BMERB1: variants seen among roughly 807,000 people sequenced by gnomAD.
The protein encoded by BMERB1 is bMERB domain-containing protein 1.
Under a neutral mutation model 23.6 loss-of-function variants are expected in BMERB1, and 12 were observed. The observed-to-expected ratio is 0.51, with a 90% CI of 0.33 to 0.82. The LOEUF is 0.82. BMERB1 is among the 40% of genes least tolerant of loss of function. The probability of loss-of-function intolerance (pLI) is 0.03; values close to 1 mark genes in which losing one functional copy is unlikely to be tolerated. For synonymous variants in BMERB1, 122 were observed against 96.6 expected (o/e 1.26, Z -1.54); for missense variants, 247 against 255.4 (o/e 0.97, Z 0.22).
At chr16:15,547,301 A>G (rs1204607680) in intron 2 of BMERB1, among the ~76,000 whole-genome samples, 1 of 149,142 alleles carries the variant, frequency 6.7e-6, no homozygotes, top group Non-Finnish European at 1.5e-5. Flanking sequence ...GGCATGAGCC[A>G]CCATGCCCAG....
At chr16:15,495,341 G>A (rs2051463157) in intron 1 of BMERB1, among the ~76,000 whole-genome samples, 1 of 150,476 alleles carries the variant, frequency 6.6e-6, no homozygotes, top group Non-Finnish European at 1.5e-5. Flanking sequence ...GACTGTAGGC[G>A]TGCACCACCA....
At position 15,583,183 on chromosome 16, in the gene BMERB1, T is replaced by C. The variant is rs1440793088; in HGVS notation, c.447T>C (p.Ala149=). The part of the protein sequence containing the change: ...LREQEEDKEM[A]DFLRIKLKPL... Reference sequence around the variant, plus strand: ...AGCAAGAAGAAGACAAGGAAATGGCTGATTTCCTGAGAATCAAGTTAAAAC... The same window carrying C: ...AGCAAGAAGAAGACAAGGAAATGGCCGATTTCCTGAGAATCAAGTTAAAAC... The change falls in exon 5 of 6, where the codon GCT becomes GCC. Residue 149 remains alanine, a synonymous_variant. Transcript: ENST00000300006. 2 of 1,613,774 alleles carry C rather than the reference T, an allele frequency of 1.2e-6. No homozygotes were observed. Among genetic ancestry groups the C allele is most frequent in the Non-Finnish European group, 1.7e-6 (2 of 1,179,654 alleles).
At chr16:15,513,503 G>A (rs2051700545) in intron 1 of BMERB1, among the ~76,000 whole-genome samples, 1 of 152,102 alleles carries the variant, frequency 6.6e-6, no homozygotes, top group African/African-American at 2.4e-5. Flanking sequence ...ACATCACAGT[G>A]GATATATGTA....
At chr16:15,534,687 G>T (rs1292051400) in intron 2 of BMERB1, among the ~76,000 whole-genome samples, 1 of 152,220 alleles carries the variant, frequency 6.6e-6, no homozygotes, top group Non-Finnish European at 1.5e-5. Flanking sequence ...AGGCAGTGGG[G>T]TGGTTTCCTT....
chr16:15,459,329 C>G (rs949392347), intron 1 of BMERB1, among the ~76,000 whole-genome samples: 1 of 150,500 alleles, frequency 6.6e-6, no homozygotes, highest in East Asian at 1.9e-4. Flanking sequence ...AGGCAAAGAT[C>G]GTCAGACTGG....
chr16:15,528,950 C>G (rs1265384076), intron 2 of BMERB1, among the ~76,000 whole-genome samples: 1 of 152,138 alleles, frequency 6.6e-6, no homozygotes, highest in Non-Finnish European at 1.5e-5. Context: ...GAGGTCCTCA[C>G]CAGACACTGA....
At chr16:15,559,701 C>A (rs2030364431) in intron 2 of BMERB1, among the ~76,000 whole-genome samples, 1 of 152,204 alleles carries the variant, frequency 6.6e-6, no homozygotes, top group East Asian at 1.9e-4. Context: ...CGTGAATGGA[C>A]ACCTAACCCT....
In BMERB1 at chr16:15,512,057, A is replaced by C. The variant is rs1486486762; in HGVS notation, c.107-3248A>C. On this transcript the variant is annotated intron_variant, in intron 1 of 5. Transcript: ENST00000300006. ...AAAAAAAGGGGGAATTGTCTCAGAG[A>C]GAATGAAGAGAGGCCATTCATTTCA... 8.8e-5 allele frequency among the ~76,000 whole-genome samples: 13 copies of C among 148,430 alleles called. No individual in the cohort carries two copies. In the Admixed American group the frequency reaches 8.9e-4, roughly 10 times the overall value.
intron 5 of BMERB1, chr16:15,584,091 A>T: frequency 1.4e-6 from 1 of 701,408 alleles, no homozygotes; most frequent in Non-Finnish European, 2.6e-6. Context: ...GTTTTATATG[A>T]AATAAGTTTG....
At chr16:15,581,363 C>T (rs774925174) in intron 4 of BMERB1, 32 bp downstream of exon 4, 1 of 1,566,972 alleles carries the variant, frequency 6.4e-7, no homozygotes, top group Non-Finnish European at 8.8e-7. Context: ...GATCACTGGG[C>T]TGCAGGACAG....
At chr16:15,586,058 C>G (rs2031131117) in intron 5 of BMERB1, among the ~76,000 whole-genome samples, 1 of 151,936 alleles carries the variant, frequency 6.6e-6, no homozygotes, top group Non-Finnish European at 1.5e-5. Flanking sequence ...AAAAACTGGC[C>G]TTCTGAAATT....
intron 1 of BMERB1, among the ~76,000 whole-genome samples, chr16:15,470,204 A>G (rs1385818392): frequency 6.6e-6 from 1 of 152,136 alleles, no homozygotes; most frequent in Non-Finnish European, 1.5e-5. Flanking sequence ...GGATTTTGTC[A>G]AATGCTTTTT....
At chr16:15,475,743 A>T (rs1466308707) in intron 1 of BMERB1, among the ~76,000 whole-genome samples, 2 of 152,210 alleles carry the variant, frequency 1.3e-5, no homozygotes. Context: ...GTTCCCACCC[A>T]TGCTACCCCA....
intron 3 of BMERB1, among the ~76,000 whole-genome samples, chr16:15,571,247 CAG>C (rs984191152): frequency 7.9e-5 from 12 of 152,090 alleles, no homozygotes; most frequent in Admixed American, 4.6e-4. Context: ...CAAGCGAGGT[CAG>C]GGGGGTGTGC....
intron 2 of BMERB1, among the ~76,000 whole-genome samples, chr16:15,557,024 C>T (rs1339363513): frequency 2.0e-5 from 3 of 152,170 alleles, no homozygotes; most frequent in African/African-American, 7.2e-5. Flanking sequence ...GTGGTCTCTG[C>T]TGGGTTTCCA....
At chr16:15,489,068 A>G (rs1039094540) in intron 1 of BMERB1, among the ~76,000 whole-genome samples, 2 of 152,084 alleles carry the variant, frequency 1.3e-5, no homozygotes, top group African/African-American at 4.8e-5. Flanking sequence ...GGGGGTTCAC[A>G]GCAAAGTTCT....
intron 2 of BMERB1, among the ~76,000 whole-genome samples, chr16:15,550,149 C>T (rs2030043131): frequency 6.6e-6 from 1 of 152,150 alleles, no homozygotes; most frequent in African/African-American, 2.4e-5. Context: ...CTGTGTTAGC[C>T]AGGATGGTCT....
At chr16:15,446,227 C>T (rs2050987842) in intron 1 of BMERB1, among the ~76,000 whole-genome samples, 1 of 151,684 alleles carries the variant, frequency 6.6e-6, no homozygotes, top group South Asian at 2.1e-4. Context: ...CTCATCTCTA[C>T]AAAAAAATAA....
chr16:15,493,386 G>T (rs575312057), intron 1 of BMERB1, among the ~76,000 whole-genome samples: 1 of 152,156 alleles, frequency 6.6e-6, no homozygotes. Context: ...CACTGTCCTC[G>T]ATGGGATCCT....
Sources: gnomAD v4.1 joint callset for allele counts (sites outside exome capture counted in the v4.1 genomes callset) on GRCh38, gnomAD v4.1.1 for gene constraint, MANE v1.5 for transcripts, NCBI Gene and HGNC (gene_info 2026-07-23, HGNC 2026-07-21) for gene names.